The following TEX14 variants were observed in gnomAD, a reference collection of about 807,000 sequenced individuals.
TEX14 encodes the protein inactive serine/threonine-protein kinase TEX14.
TEX14 carries 168 observed loss-of-function variants against 178.6 expected under a neutral mutation model. That is an observed-to-expected ratio of 0.94 (90% CI 0.83 to 1.07). The LOEUF (loss-of-function observed/expected upper bound fraction) is 1.07. Ranked by LOEUF, TEX14 falls within the 50% of genes least tolerant of loss-of-function variation. The pLI is 0.00. For synonymous variants in TEX14, 626 were observed against 634.1 expected, an observed-to-expected ratio of 0.99 and a Z score of 0.19; for missense variants, 1,730 against 1,753.6, an observed-to-expected ratio of 0.99 and a Z score of 0.24.
intron 11 of TEX14, 63 bp downstream of exon 11, chr17:58,604,915 G>T (rs998239858): frequency 1.9e-5 from 29 of 1,560,422 alleles, no homozygotes; most frequent in Non-Finnish European, 2.4e-5. Flanking sequence ...TAACTCCTGT[G>T]GGGGGAGAAA....
intron 1 of TEX14, among the ~76,000 whole-genome samples, chr17:58,679,883 T>C (rs2047472067): frequency 2.0e-5 from 3 of 152,148 alleles, no homozygotes; most frequent in African/African-American, 7.2e-5. Context: ...AGGGTGCAAA[T>C]AGCCAGCAGT....
chr17:58,656,751 C>A (rs75021680), intron 1 of TEX14, among the ~76,000 whole-genome samples: 54 of 130,506 alleles, frequency 4.1e-4, no homozygotes, highest in Admixed American at 7.2e-4. Flanking sequence ...GACTCTGTCT[C>A]AAAAAAAAAA....
chr17:58,605,175 TTTTATTCATTCA>T, intron 10 of TEX14, 46 bp from the exon 11 acceptor site: 1 of 1,576,938 alleles, frequency 6.3e-7, no homozygotes. Context: ...TTAAAGGGTC[TTTTATTCATTCA>T]TTCATTCATT....
At chr17:58,635,524 G>C (rs2046415428) in intron 2 of TEX14, among the ~76,000 whole-genome samples, 1 of 150,820 alleles carries the variant, frequency 6.6e-6, no homozygotes, top group Non-Finnish European at 1.5e-5. Context: ...CTGCCTCCCA[G>C]GTTCAAGTGA....
At chr17:58,613,883 T>C (rs1399463561) in intron 8 of TEX14, among the ~76,000 whole-genome samples, 1 of 152,148 alleles carries the variant, frequency 6.6e-6, no homozygotes, top group African/African-American at 2.4e-5. Flanking sequence ...GCCAGGCTGG[T>C]CTTGAATTCC....
intron 30 of TEX14, 75 bp from the exon 31 acceptor site, chr17:58,557,925 G>A (rs529190365): frequency 1.2e-4 from 129 of 1,109,978 alleles, no homozygotes; most frequent in Non-Finnish European, 1.6e-4. Context: ...ATTCATATTA[G>A]TGCTCCCTCT....
At chr17:58,602,111 T>C (rs1038134931) in intron 12 of TEX14, among the ~76,000 whole-genome samples, 155 bp from the exon 13 acceptor site, 21 of 152,178 alleles carry the variant, frequency 1.4e-4, no homozygotes, top group African/African-American at 4.6e-4. Context: ...TTATTGCCAA[T>C]ACCTTAAAAG....
intron 1 of TEX14, among the ~76,000 whole-genome samples, chr17:58,685,271 TAAAAA>T (rs1179892229): frequency 2.0e-5 from 3 of 150,268 alleles, no homozygotes; most frequent in Non-Finnish European, 3.0e-5. Context: ...CCGTCTCTAC[TAAAAA>T]AATACAAAAA....
intron 1 of TEX14, among the ~76,000 whole-genome samples, chr17:58,653,662 G>A (rs2046886731): frequency 6.6e-6 from 1 of 152,104 alleles, no homozygotes; most frequent in Non-Finnish European, 1.5e-5. Context: ...GCAGCCCTAT[G>A]ATTAAACCTC....
chr17:58,602,546 CT>C lies in TEX14; in HGVS notation c.1380del (p.Ala461ProfsTer2), dbSNP rs1567729223. 1.7e-5 allele frequency: 28 copies of C among 1,613,992 alleles called. No individual in the cohort carries two copies. Among genetic ancestry groups the C allele is most frequent in the Non-Finnish European group, 2.4e-5 (28 of 1,180,014 alleles). On this transcript the variant is annotated frameshift_variant, in exon 12 of 32. Transcript: ENST00000349033. LOFTEE classifies it high-confidence loss of function. ...WKGLDGSVVK[K>X]AVVSGNYLEA... ...TCTAAATAATTCCCCGAGACTACGG[CT>C]TTTTTAACAACTGAGCCATCTAAGC...
chr17:58,677,216 A>G (rs942299183), intron 1 of TEX14, among the ~76,000 whole-genome samples: 6 of 152,118 alleles, frequency 3.9e-5, no homozygotes, highest in Non-Finnish European at 8.8e-5. Context: ...CCAGGAGGTC[A>G]AGGCTGCTTT....
intron 30 of TEX14, among the ~76,000 whole-genome samples, chr17:58,558,961 A>G (rs577424710): frequency 6.6e-6 from 1 of 152,180 alleles, no homozygotes; most frequent in African/African-American, 2.4e-5. Flanking sequence ...CCTGAGGTCA[A>G]GAGATCGAGA....
rs1356096609 is a variant in TEX14 at position 58,601,727 on chromosome 17, G to A, written c.1678+79C>T. 5 of 1,300,586 alleles carry A rather than the reference G, an allele frequency of 3.8e-6. No homozygotes were observed. The East Asian group carries it at 1.2e-4, about 30-fold the overall frequency. 80.6% of individuals were successfully genotyped at this position (1,300,586 alleles called of 1,614,324 possible). ...AACAAGTTACATCTACAGTTTAGAG[G>A]AGTCAATTAGTTGCAGCTCATGTGA... is the stretch of plus-strand genomic sequence containing the variant. On this transcript the variant is annotated intron_variant, in intron 13 of 31. Transcript: ENST00000349033.
intron 3 of TEX14, among the ~76,000 whole-genome samples, chr17:58,628,230 A>G (rs2046195066): frequency 6.6e-6 from 1 of 151,986 alleles, no homozygotes; most frequent in African/African-American, 2.4e-5. Flanking sequence ...TAAGCTTCCA[A>G]GTTTTCTTCC....
At position 58,615,418 on chromosome 17, in the gene TEX14, TAAGC is replaced by T. The variant is rs919626377; in HGVS notation, c.768-77_768-74del. Reference sequence around the variant, plus strand: ...TACTCCTTCAATGAATAAGCTTTCCTAAGCAAGGACCAGAGAAATGGTCTCCACA... The same window carrying T: ...TACTCCTTCAATGAATAAGCTTTCCTAAGGACCAGAGAAATGGTCTCCACA... On this transcript the variant is annotated intron_variant, in intron 7 of 31. Coordinates refer to ENST00000349033, the MANE Select transcript of TEX14 (RefSeq NM_031272.5). 44 of 938,674 alleles carry T rather than the reference TAAGC, an allele frequency of 4.7e-5. No homozygotes were observed. In the African/African-American group the frequency reaches 5.3e-4, roughly 11 times the overall value. 58.1% of individuals were successfully genotyped at this position (938,674 alleles called of 1,614,324 possible). A position where few individuals can be genotyped will look rare whatever the true frequency, so the allele number is the denominator to read the frequency against.
At chr17:58,577,170 C>T (rs1024458265) in intron 21 of TEX14, among the ~76,000 whole-genome samples, 1 of 152,190 alleles carries the variant, frequency 6.6e-6, no homozygotes, top group African/African-American at 2.4e-5. Flanking sequence ...AACAGAAAGT[C>T]AGAGTCAGAT....
rs1265141685 is a variant in TEX14 at position 58,598,902 on chromosome 17, G to A, written c.2443C>T (p.Pro815Ser). Residue 815 changes from proline to serine, a missense_variant, in exon 14 of 32, where the codon CCA becomes TCA. Coordinates refer to ENST00000349033, the MANE Select transcript of TEX14 (RefSeq NM_031272.5). Reference protein sequence around the residue: ...GQKPDTSGNYPTLPRFPRMLP... With the variant: ...GQKPDTSGNYSTLPRFPRMLP... ...ATTCTTGGAAATCTTGGTAGGGTTG[G>A]GTAGTTGCCACTGGTGTCTGGCTTC... 47 of 1,611,966 alleles carry A rather than the reference G, an allele frequency of 2.9e-5. No homozygotes were observed. Among genetic ancestry groups the A allele is most frequent in the Non-Finnish European group, 3.9e-5 (46 of 1,179,068 alleles).
chr17:58,603,156 A>T (rs2045506069), intron 11 of TEX14, among the ~76,000 whole-genome samples: 1 of 152,116 alleles, frequency 6.6e-6, no homozygotes, highest in Admixed American at 6.6e-5. Context: ...GATAGGAAAC[A>T]ATAGTGTCAG....
intron 1 of TEX14, among the ~76,000 whole-genome samples, chr17:58,684,682 A>T (rs563589114): frequency 2.0e-5 from 3 of 149,372 alleles, no homozygotes; most frequent in East Asian, 2.0e-4. Context: ...AATAAATAAA[A>T]AGCTTTCTTC....
Sources: allele counts gnomAD v4.1 joint callset (sites outside exome capture counted in the v4.1 genomes callset), GRCh38; gene constraint gnomAD v4.1.1; transcripts MANE v1.5; gene names NCBI Gene and HGNC (gene_info 2026-07-23, HGNC 2026-07-21).